The following DNAH6 variants were observed in gnomAD, a reference collection of about 807,000 sequenced individuals.
DNAH6 encodes the protein axonemal beta dynein heavy chain 6.
In DNAH6, 340 loss-of-function variants were observed where a neutral mutation model predicts 491.4. That is an observed-to-expected ratio of 0.69 (90% confidence interval 0.63 to 0.76). The LOEUF (loss-of-function observed/expected upper bound fraction) is 0.76. Among genes scored for constraint, DNAH6 ranks in the 30% least tolerant of loss-of-function variants. The pLI is 0.00. For synonymous variants in DNAH6, 1,603 were observed against 1,686.1 expected (o/e 0.95, Z 1.21); for missense variants, 4,443 against 4,972.2 (o/e 0.89, Z 3.20).
At chr2:84,786,246 C>T (rs1402079448) in intron 67 of DNAH6, among the ~76,000 whole-genome samples, 1 of 151,842 alleles carries the variant, frequency 6.6e-6, no homozygotes, top group Non-Finnish European at 1.5e-5. Context: ...GGCAACACAG[C>T]GAAACCCCAT....
Position 84,624,305 on chromosome 2 carries a change from C to T in DNAH6, c.4112C>T (p.Pro1371Leu), listed in dbSNP as rs1301279829. The change falls in exon 27 of 77, where the codon CCT (proline) becomes CTT (leucine). Residue 1371 changes from proline (P) to leucine (L), a missense_variant. Pro to Leu is a moderately conservative substitution (Grantham distance 98, BLOSUM62 -3). Coordinates refer to ENST00000389394, the MANE Select transcript of DNAH6 (RefSeq NM_001370.2). Reference sequence around the variant, plus strand: ...GCTGCAATAGTTCAAGGCAGTCTTCCTAAATTACACAGAAACATCCTAACT... The same window carrying T: ...GCTGCAATAGTTCAAGGCAGTCTTCTTAAATTACACAGAAACATCCTAACT... ...ALAAIVQGSL[P>L]KLHRNILTAL... 6.4e-7 allele frequency: 1 copy of T among 1,550,932 alleles called. No homozygotes were observed. The highest frequency in any genetic ancestry group is 1.4e-5 in the African/African-American group (1 of 73,004).
Position 84,595,768 on chromosome 2 carries a change from G to C in DNAH6, c.2847G>C (p.Lys949Asn). The C allele has an allele frequency of 6.5e-7, 1 of 1,543,724 alleles. No individual in the cohort carries two copies. The highest frequency in any genetic ancestry group is 8.7e-7 in the Non-Finnish European group (1 of 1,144,818). The change falls in exon 18 of 77, where the codon AAG becomes AAC. Residue 949 changes from lysine (K) to asparagine (N), a missense_variant. Transcript: ENST00000389394. ...PNSVVPQLKY[K>N]VEKMKEKLPV... is the part of the protein sequence containing the mutation. ...GTGTAGTGCCCCAGCTCAAATACAAGGTGGAAAAAATGAAAGAAAAGGTAA... is the reference window on the plus strand; with the variant it reads ...GTGTAGTGCCCCAGCTCAAATACAACGTGGAAAAAATGAAAGAAAAGGTAA...
Position 84,595,745 on chromosome 2 carries a change from G to A in DNAH6, c.2824G>A (p.Val942Ile), listed in dbSNP as rs1684516445. 1.3e-6 allele frequency: 2 copies of A among 1,550,788 alleles called. No individual in the cohort carries two copies. Among genetic ancestry groups the A allele is most frequent in the Non-Finnish European group, 8.7e-7 (1 of 1,146,716 alleles). ...GGAAAAAGGCTTGCCACCCAACAGTGTAGTGCCCCAGCTCAAATACAAGGT... is the reference window on the plus strand; with the variant it reads ...GGAAAAAGGCTTGCCACCCAACAGTATAGTGCCCCAGCTCAAATACAAGGT... The part of the protein sequence containing the change: ...QLEKGLPPNS[V>I]VPQLKYKVEK... Residue 942 changes from valine to isoleucine, a missense_variant, in exon 18 of 77, where the codon GTA becomes ATA. By Grantham distance (29) the Val-to-Ile change is conservative. This residue lies in a region of DNAH6 where 2,977 missense variants were observed against 3,296.6 expected (regional missense o/e 0.90). Transcript: ENST00000389394.
intron 4 of DNAH6, among the ~76,000 whole-genome samples, chr2:84,531,204 A>C (rs1677136238): frequency 6.6e-6 from 1 of 152,150 alleles, no homozygotes; most frequent in Non-Finnish European, 1.5e-5. Flanking sequence ...TGAGATATGC[A>C]TTTATCCCAG....
At chr2:84,671,089 C>T (rs900015136) in intron 39 of DNAH6, among the ~76,000 whole-genome samples, 5 of 152,126 alleles carry the variant, frequency 3.3e-5, no homozygotes, top group African/African-American at 1.2e-4. Context: ...CTCCTCCCCA[C>T]CCTCCCTGTA....
At position 84,716,805 on chromosome 2, in the gene DNAH6, C is replaced by T. The variant is rs540858708; in HGVS notation, c.9611+1178C>T. On this transcript the variant is annotated intron_variant, in intron 58 of 76. Transcript: ENST00000389394. ...GACTCAGTCATGGTGTGCAGTATCT[C>T]CCTGCTATTTCTCCTAGATTGATGG... is the stretch of plus-strand genomic sequence containing the variant. 2.0e-4 allele frequency among the ~76,000 whole-genome samples: 31 copies of T among 152,200 alleles called. 1 individual carries two copies. Among genetic ancestry groups the T allele is most frequent in the Admixed American group, 2.0e-3 (30 of 15,294 alleles).
chr2:84,670,842 T>G (rs951823196), intron 39 of DNAH6, among the ~76,000 whole-genome samples: 2 of 152,224 alleles, frequency 1.3e-5, no homozygotes, highest in African/African-American at 4.8e-5. Flanking sequence ...TGAGACTGTT[T>G]TGGTTTTTTC....
Position 84,694,382 on chromosome 2 carries a change from G to T in DNAH6, c.7426G>T (p.Gly2476Ter), listed in dbSNP as rs1213748579. The change falls in exon 46 of 77, where the codon GGA becomes TGA. Residue 2476 changes from glycine to a stop codon, truncating the protein, a stop_gained. Transcript: ENST00000389394. LOFTEE classifies it high-confidence loss of function. Reference sequence around the variant, plus strand: ...ATGTTTGCAGATTGAACTCAGCCGGGGATATAATTATGATAGTTTTCATGA... The same window carrying T: ...ATGTTTGCAGATTGAACTCAGCCGGTGATATAATTATGATAGTTTTCATGA... ...YKCLQIELSR[G>*]YNYDSFHEDL... 7 of 1,552,354 alleles carry T rather than the reference G, an allele frequency of 4.5e-6. No individual in the cohort carries two copies. Among genetic ancestry groups the T allele is most frequent in the Non-Finnish European group, 6.1e-6 (7 of 1,147,126 alleles).
At chr2:84,641,586 C>T (rs1025047549) in intron 32 of DNAH6, among the ~76,000 whole-genome samples, 2 of 152,058 alleles carry the variant, frequency 1.3e-5, no homozygotes, top group African/African-American at 2.4e-5. Flanking sequence ...GGCTGGGTTT[C>T]GCAGGGGAAA....
At chr2:84,689,472 ATAGTCTCTCCAC>A (rs1694629122) in intron 45 of DNAH6, among the ~76,000 whole-genome samples, 1 of 152,142 alleles carries the variant, frequency 6.6e-6, no homozygotes. Flanking sequence ...CCGCCTCCAT[ATAGTCTCTCCAC>A]TTGTCTCTCG....
chr2:84,710,248 C>T (rs1456952031), intron 55 of DNAH6, 39 bp from the exon 56 acceptor site: 25 of 1,539,176 alleles, frequency 1.6e-5, no homozygotes, highest in Non-Finnish European at 2.1e-5. Context: ...ATTTATTATG[C>T]TCTGAAGCAA....
chr2:84,570,453 A>C (rs1202686190), intron 11 of DNAH6, among the ~76,000 whole-genome samples: 3 of 151,892 alleles, frequency 2.0e-5, no homozygotes, highest in Non-Finnish European at 2.9e-5. Flanking sequence ...ATGTAAATGC[A>C]CCAATCAGCA....
At chr2:84,579,031 A>C (rs544776316) in intron 13 of DNAH6, among the ~76,000 whole-genome samples, 4 of 152,320 alleles carry the variant, frequency 2.6e-5, no homozygotes, top group African/African-American at 9.6e-5. Context: ...TGAGTCAATT[A>C]AACTTGTTTC....
At chr2:84,604,247 C>T (rs1004428941) in intron 18 of DNAH6, 92 bp from the exon 19 acceptor site, 10 of 970,538 alleles carry the variant, frequency 1.0e-5, no homozygotes, top group Middle Eastern at 4.5e-4. Context: ...TGCTCTTTTC[C>T]AGCTCTCTAC....
In DNAH6 at chr2:84,626,630, C is replaced by G. The variant is rs530930154; in HGVS notation, c.4515+1567C>G. 1.1e-3 allele frequency among the ~76,000 whole-genome samples: 164 copies of G among 152,198 alleles called. 1 individual carries two copies. The highest frequency in any genetic ancestry group is 3.8e-3 in the African/African-American group (158 of 41,518). Reference sequence around the variant, plus strand: ...TCTTTTTTTATTTTTTATTTTGAGACGGAGTCTCGCTCTATTGCCCAGGAT... The same window carrying G: ...TCTTTTTTTATTTTTTATTTTGAGAGGGAGTCTCGCTCTATTGCCCAGGAT... On this transcript the variant is annotated intron_variant, in intron 29 of 76. Transcript: ENST00000389394.
chr2:84,539,784 T>G (rs990135537), intron 4 of DNAH6, among the ~76,000 whole-genome samples: 1 of 152,098 alleles, frequency 6.6e-6, no homozygotes, highest in African/African-American at 2.4e-5. Flanking sequence ...TCCTCTTAGT[T>G]TTGCTTTTGT....
In DNAH6 at chr2:84,544,201, A is replaced by G. The variant is rs369707832; in HGVS notation, c.663-32A>G. 1.9e-5 allele frequency: 23 copies of G among 1,186,066 alleles called. No homozygotes were observed. The East Asian group carries it at 2.6e-4, about 13-fold the overall frequency. 73.5% of individuals were successfully genotyped at this position (1,186,066 alleles called of 1,614,324 possible). A position where few individuals can be genotyped will look rare whatever the true frequency, so the allele number is the denominator to read the frequency against. On this transcript the variant is annotated intron_variant, in intron 4 of 76. Transcript: ENST00000389394. ...TGCTTCATTTTGTATTGAATACTTT[A>G]TTTATTAGTCCCAATTTTTATTTGT...
In DNAH6 at chr2:84,704,164, C is replaced by G. The variant is rs1464672915; in HGVS notation, c.8327C>G (p.Ala2776Gly). 6.4e-7 allele frequency: 1 copy of G among 1,551,878 alleles called. No individual in the cohort carries two copies. ...GATGCTCAAAGAGATCTTGACGAGG[C>G]ACTACCTGCACTAGATGCTGCCAAT... ...ADDAQRDLDEALPALDAANKA... is the reference protein window; with the variant it reads ...ADDAQRDLDEGLPALDAANKA... Residue 2776 changes from alanine to glycine, a missense_variant, in exon 51 of 77, where the codon GCA (alanine) becomes GGA (glycine). Physicochemically the swap from Ala to Gly is moderately conservative, Grantham distance 60. Coordinates refer to ENST00000389394, the MANE Select transcript of DNAH6 (RefSeq NM_001370.2).
intron 11 of DNAH6, among the ~76,000 whole-genome samples, chr2:84,568,250 A>G (rs1325416357): frequency 1.3e-5 from 2 of 152,192 alleles, no homozygotes; most frequent in Non-Finnish European, 2.9e-5. Flanking sequence ...AATTCATTCT[A>G]TTATAAAGAT....
Sources: gnomAD v4.1 joint callset for allele counts (sites outside exome capture counted in the v4.1 genomes callset) on GRCh38, gnomAD v4.1.1 for gene constraint, gnomAD v4.1.1 regional missense constraint, MANE v1.5 for transcripts, NCBI Gene and HGNC (gene_info 2026-07-23, HGNC 2026-07-21) for gene names.